Variants in RAD54L2 observed in about 807,000 individuals in gnomAD.
The protein encoded by RAD54L2 is helicase ARIP4.
RAD54L2 carries 27 observed loss-of-function variants against 138.4 expected under a neutral mutation model. That is an observed-to-expected ratio of 0.20 (90% CI 0.14 to 0.27). The LOEUF (loss-of-function observed/expected upper bound fraction) is 0.27. Among genes scored for constraint, RAD54L2 ranks in the 10% least tolerant of loss-of-function variants. The pLI is 1.00. For missense variants in RAD54L2, 1,396 were observed against 1,890.2 expected, an observed-to-expected ratio of 0.74 and a Z score of 4.85; for synonymous variants, 644 against 723.2, an observed-to-expected ratio of 0.89 and a Z score of 1.76.
At chr3:51,639,064 A>G (rs17051832) in intron 12 of RAD54L2, 6,473 of 243,788 alleles carry the variant, frequency 0.027, 426 homozygotes, top group African/African-American at 0.13. Flanking sequence ...CATTTTGTCT[A>G]TAGTTTTATA....
intron 22 of RAD54L2, 130 bp downstream of exon 22, chr3:51,660,248 G>A: frequency 1.6e-6 from 1 of 631,212 alleles, no homozygotes; most frequent in Non-Finnish European, 2.6e-6. Context: ...ACAGAAAGAG[G>A]TAAAGTGAAA....
intron 2 of RAD54L2, among the ~76,000 whole-genome samples, chr3:51,554,558 TG>T (rs1698917999): frequency 6.6e-6 from 1 of 152,094 alleles, no homozygotes; most frequent in Non-Finnish European, 1.5e-5. Flanking sequence ...AAATGACAGA[TG>T]ACGAAATAAA....
chr3:51,663,460 G>C lies in RAD54L2; in HGVS notation c.*40G>C. On this transcript the variant is annotated 3_prime_UTR_variant, in exon 23 of 23. Transcript: ENST00000684192. ...CCCACCTCACTTGGGGCCCCCAGCA[G>C]GTTGCCCACCAAGCTGAAAGGCAGT... The C allele has an allele frequency of 5.0e-6, 8 of 1,584,442 alleles. No homozygotes were observed. The highest frequency in any genetic ancestry group is 6.9e-6 in the Non-Finnish European group (8 of 1,162,762).
chr3:51,659,823 AGTC>A (rs1008276520), intron 21 of RAD54L2, among the ~76,000 whole-genome samples, 200 bp from the exon 22 acceptor site: 2 of 152,188 alleles, frequency 1.3e-5, no homozygotes, highest in African/African-American at 2.4e-5. Context: ...GGCACATGGT[AGTC>A]ATGTAATCAA....
intron 1 of RAD54L2, chr3:51,541,182 GGTA>G (rs1490381786): frequency 2.6e-5 from 4 of 152,226 alleles, no homozygotes; most frequent in African/African-American, 9.6e-5. Flanking sequence ...TTTTGTTAGT[GGTA>G]GTTCCTGGTT....
chr3:51,560,445 C>T (rs867478180), intron 2 of RAD54L2, among the ~76,000 whole-genome samples: 4 of 151,334 alleles, frequency 2.6e-5, no homozygotes, highest in African/African-American at 4.9e-5. Context: ...CTACAAGCTC[C>T]GCCTCCTGGG....
intron 19 of RAD54L2, among the ~76,000 whole-genome samples, chr3:51,654,859 G>T (rs1271199255): frequency 1.3e-5 from 2 of 152,170 alleles, no homozygotes; most frequent in African/African-American, 4.8e-5. Context: ...TAATCCACAT[G>T]GGTACATGTG....
intron 2 of RAD54L2, among the ~76,000 whole-genome samples, chr3:51,572,846 G>T (rs1318573645): frequency 6.6e-6 from 1 of 151,560 alleles, no homozygotes; most frequent in East Asian, 2.0e-4. Flanking sequence ...CACCATGTTG[G>T]CCAGGCCGGT....
chr3:51,554,561 C>T (rs988624654), intron 2 of RAD54L2, among the ~76,000 whole-genome samples: 20 of 152,034 alleles, frequency 1.3e-4, no homozygotes, highest in African/African-American at 3.6e-4. Flanking sequence ...TGACAGATGA[C>T]GAAATAAAAA....
chr3:51,659,444 C>T (rs926519532), intron 21 of RAD54L2, among the ~76,000 whole-genome samples: 3 of 152,192 alleles, frequency 2.0e-5, no homozygotes, highest in Non-Finnish European at 4.4e-5. Context: ...TTGCTAACTC[C>T]TGGCCTAAAG....
intron 2 of RAD54L2, among the ~76,000 whole-genome samples, chr3:51,588,556 A>G (rs191139117): frequency 1.3e-3 from 192 of 150,506 alleles, no homozygotes; most frequent in African/African-American, 4.3e-3. Context: ...AAAAAAAAAG[A>G]AAAGAAAATT....
intron 21 of RAD54L2, among the ~76,000 whole-genome samples, chr3:51,657,901 TCTCTATCTTGCTGTC>T (rs1259883551): frequency 2.0e-5 from 3 of 150,742 alleles, no homozygotes; most frequent in African/African-American, 7.3e-5. Context: ...TCCCTACATT[TCTCTATCTTGCTGTC>T]TTTTTTTTTT....
At position 51,629,418 on chromosome 3, in the gene RAD54L2, G is replaced by T. The variant is rs1333093670; in HGVS notation, c.426G>T (p.Gln142His). 1 of 1,611,340 alleles carries T rather than the reference G, an allele frequency of 6.2e-7. No homozygotes were observed. The highest frequency in any genetic ancestry group is 1.7e-5 in the Admixed American group (1 of 59,636). ...EELERRKRLE[Q>H]QRKDYAAPIP... ...TGGAAAGAAGGAAGCGCCTGGAGCA[G>T]CAGAGGAAAGATTATGCAGCCCCTA... The change falls in exon 5 of 23, where the codon CAG becomes CAT. Residue 142 changes from glutamine (Q) to histidine (H), a missense_variant. By Grantham distance (24) the Gln-to-His change is conservative. This residue lies in a region of RAD54L2 where 256 missense variants were observed against 344.6 expected (regional missense o/e 0.74). Coordinates refer to ENST00000684192, the MANE Select transcript of RAD54L2 (RefSeq NM_015106.4).
chr3:51,630,220 T>G, intron 5 of RAD54L2, 52 bp from the exon 6 acceptor site: 2 of 1,424,884 alleles, frequency 1.4e-6, no homozygotes, highest in Non-Finnish European at 2.0e-6. Context: ...GGGAAATATG[T>G]TAGAGCCAAA....
At position 51,568,646 on chromosome 3, in the gene RAD54L2, T is replaced by C. The variant is rs535490569; in HGVS notation, c.-54-21721T>C. Among the ~76,000 whole-genome samples the C allele has an allele frequency of 6.6e-5, 10 of 152,236 alleles. No homozygotes were observed. In the East Asian group the frequency reaches 1.9e-3, roughly 29 times the overall value. On this transcript the variant is annotated intron_variant, in intron 2 of 22. Coordinates refer to ENST00000684192, the MANE Select transcript of RAD54L2 (RefSeq NM_015106.4). ...GGTTTAATTCCAGGCTGCAGCCCCA[T>C]GGTTAGAAACTATGCAGACCTACAT...
intron 3 of RAD54L2, among the ~76,000 whole-genome samples, chr3:51,594,222 C>T (rs1421428204): frequency 6.6e-6 from 1 of 151,976 alleles, no homozygotes; most frequent in Admixed American, 6.6e-5. Flanking sequence ...TACAGGCATG[C>T]ACCACTATGC....
At chr3:51,659,098 G>GTTTTT (rs1014568687) in intron 21 of RAD54L2, among the ~76,000 whole-genome samples, 30 of 75,032 alleles carry the variant, frequency 4.0e-4, no homozygotes, top group Non-Finnish European at 5.9e-4. Flanking sequence ...TCCGGCTCTT[G>GTTTTT]TTTTTTTTTT....
chr3:51,642,332 T>G (rs1577453171), intron 15 of RAD54L2, among the ~76,000 whole-genome samples: 1 of 147,214 alleles, frequency 6.8e-6, no homozygotes, highest in African/African-American at 2.5e-5. Flanking sequence ...GGGATGAACT[T>G]TTTTTTTTTT....
chr3:51,596,939 C>T (rs192155354), intron 3 of RAD54L2, among the ~76,000 whole-genome samples: 3 of 152,142 alleles, frequency 2.0e-5, no homozygotes, highest in African/African-American at 4.8e-5. Flanking sequence ...CCAAGGCAGG[C>T]GGATCAGTTG....
Sources: allele counts gnomAD v4.1 joint callset (sites outside exome capture counted in the v4.1 genomes callset), GRCh38; gene constraint gnomAD v4.1.1; regional missense constraint gnomAD v4.1.1; transcripts MANE v1.5; gene names NCBI Gene and HGNC (gene_info 2026-07-23, HGNC 2026-07-21).